The following KLF7 variants were observed in gnomAD, a reference collection of about 807,000 sequenced individuals.
The protein encoded by KLF7 is Krueppel-like factor 7.
A neutral mutation model predicts 27.3 loss-of-function variants in KLF7; 2 were observed. The ratio of observed to expected loss-of-function variants is 0.07; its 90% confidence interval spans 0.03 to 0.23. The LOEUF is 0.23. KLF7 is among the 10% of genes least tolerant of loss of function. The probability of loss-of-function intolerance (pLI) is 1.00; values close to 1 mark genes in which losing one functional copy is unlikely to be tolerated. For synonymous variants in KLF7, 165 were observed against 162.4 expected (o/e 1.02, Z -0.12); for missense variants, 221 against 394.1 (o/e 0.56, Z 3.72).
chr2:207,087,462 G>A (rs1482820392), intron 3 of KLF7, among the ~76,000 whole-genome samples: 1 of 152,120 alleles, frequency 6.6e-6, no homozygotes, highest in Non-Finnish European at 1.5e-5. Flanking sequence ...GGGACACAGG[G>A]ACTGGGGGAG....
intron 2 of KLF7, among the ~76,000 whole-genome samples, chr2:207,110,797 A>G (rs1406089663): frequency 1.3e-5 from 2 of 152,244 alleles, no homozygotes; most frequent in East Asian, 3.8e-4. Context: ...GTTAAAGATC[A>G]TAAAAGGGAA....
upstream of KLF7, chr2:207,166,840 A>C (rs1316940285): frequency 2.9e-6 from 3 of 1,035,014 alleles, no homozygotes; most frequent in Admixed American, 5.6e-5. Context: ...GCGCCTGAGG[A>C]GGAAGTGCCA....
intron 2 of KLF7, among the ~76,000 whole-genome samples, chr2:207,100,244 AG>A (rs2076735159): frequency 6.6e-6 from 1 of 152,240 alleles, no homozygotes; most frequent in African/African-American, 2.4e-5. Flanking sequence ...TCCGTTTTTT[AG>A]AGCTTTTTAG....
chr2:207,124,167 G>C lies in KLF7; in HGVS notation c.340C>G (p.Pro114Ala). 1 of 1,614,176 alleles carries C rather than the reference G, an allele frequency of 6.2e-7. No individual in the cohort carries two copies. Among genetic ancestry groups the C allele is most frequent in the African/African-American group, 1.3e-5 (1 of 75,046 alleles). The change falls in exon 2 of 4, where the codon CCG (proline) becomes GCG (alanine). Residue 114 changes from proline to alanine, a missense_variant. This residue lies in a region of KLF7 where 180 missense variants were observed against 227.9 expected (regional missense o/e 0.79). Transcript: ENST00000309446. ...LLSETCLSLQ[P>A]ASSSLDSYTA... is the part of the protein sequence containing the mutation. ...TAGCTGTCTAGAGAAGAGCTGGCCG[G>C]CTGGAGGCTGAGGCAGGTCTCAGAT...
intron 1 of KLF7, among the ~76,000 whole-genome samples, chr2:207,157,002 G>T (rs1326753261): frequency 6.6e-6 from 1 of 152,056 alleles, no homozygotes; most frequent in African/African-American, 2.4e-5. Flanking sequence ...GATTTTATTG[G>T]TCTGGGGTGC....
chr2:207,084,899 G>A (rs1038537688), intron 3 of KLF7, among the ~76,000 whole-genome samples: 10 of 151,938 alleles, frequency 6.6e-5, no homozygotes, highest in Middle Eastern at 3.4e-3. Flanking sequence ...GTCGTGGCTC[G>A]CGCCTGTAAT....
chr2:207,081,091 G>T lies in KLF7; in HGVS notation c.*122C>A. ...TGTGTGTGTGTGTGTGTGTACAGAG[G>T]TTTATAAGTGAGAACTTTCTTCTGC... On this transcript the variant is annotated 3_prime_UTR_variant, in exon 4 of 4. Transcript: ENST00000309446. 3.9e-6 allele frequency: 3 copies of T among 773,048 alleles called. No individual in the cohort carries two copies. Among genetic ancestry groups the T allele is most frequent in the Non-Finnish European group, 4.6e-6 (2 of 434,782 alleles). 47.9% of individuals were successfully genotyped at this position (773,048 alleles called of 1,614,324 possible).
At chr2:207,115,560 T>A (rs2077155631) in intron 2 of KLF7, among the ~76,000 whole-genome samples, 1 of 152,250 alleles carries the variant, frequency 6.6e-6, no homozygotes, top group Admixed American at 6.5e-5. Context: ...TTTAATTATT[T>A]TAAGTGATCT....
At chr2:207,141,678 TATTAAAAAG>T (rs2077945933) in intron 1 of KLF7, among the ~76,000 whole-genome samples, 1 of 152,056 alleles carries the variant, frequency 6.6e-6, no homozygotes. Context: ...TGGCAATGAG[TATTAAAAAG>T]TTAGAGTGCG....
At chr2:207,155,136 A>ATATT in intron 1 of KLF7, among the ~76,000 whole-genome samples, 1 of 152,264 alleles carries the variant, frequency 6.6e-6, no homozygotes. Flanking sequence ...AATACCTCAA[A>ATATT]TCTCAGCTTT....
At chr2:207,104,719 C>A (rs1011575955) in intron 2 of KLF7, among the ~76,000 whole-genome samples, 1 of 152,184 alleles carries the variant, frequency 6.6e-6, no homozygotes, top group African/African-American at 2.4e-5. Flanking sequence ...GGCCATCTTA[C>A]CTTCAGAATT....
chr2:207,102,182 AAAC>A (rs1289554996), intron 2 of KLF7, among the ~76,000 whole-genome samples: 3 of 150,586 alleles, frequency 2.0e-5, no homozygotes, highest in Admixed American at 6.6e-5. Context: ...CCCAATCTGC[AAAC>A]AACTCAGCAC....
intron 3 of KLF7, among the ~76,000 whole-genome samples, chr2:207,082,890 T>C (rs2076307169): frequency 6.6e-6 from 1 of 152,194 alleles, no homozygotes. Context: ...ACACCCCCTG[T>C]TTGTGTCCAT....
At chr2:207,104,361 G>A (rs2076833026) in intron 2 of KLF7, among the ~76,000 whole-genome samples, 1 of 152,152 alleles carries the variant, frequency 6.6e-6, no homozygotes, top group Non-Finnish European at 1.5e-5. Flanking sequence ...GGTACAAAAT[G>A]TTATACGTAA....
intron 1 of KLF7, among the ~76,000 whole-genome samples, chr2:207,152,624 G>C (rs548573803): frequency 6.6e-6 from 1 of 152,164 alleles, no homozygotes; most frequent in Non-Finnish European, 1.5e-5. Flanking sequence ...GAACCTGAAT[G>C]ACTAGGAAAA....
intron 1 of KLF7, among the ~76,000 whole-genome samples, chr2:207,162,617 G>C (rs564722662): frequency 3.7e-4 from 57 of 152,236 alleles, no homozygotes; most frequent in Non-Finnish European, 7.2e-4. Flanking sequence ...GAGGATCTCC[G>C]TGACGAGAGG....
At chr2:207,144,352 T>A (rs958587318) in intron 1 of KLF7, among the ~76,000 whole-genome samples, 4 of 152,152 alleles carry the variant, frequency 2.6e-5, no homozygotes, top group African/African-American at 9.7e-5. Context: ...TTTTAAAGCA[T>A]CCACTGTCAA....
At chr2:207,170,467 A>G (rs2078777294), upstream of KLF7, among the ~76,000 whole-genome samples, 1 of 152,190 alleles carries the variant, frequency 6.6e-6, no homozygotes, top group Non-Finnish European at 1.5e-5. Flanking sequence ...AGCTAAAATC[A>G]TTGATAAGGG....
chr2:207,094,154 G>A (rs551841787), intron 2 of KLF7, among the ~76,000 whole-genome samples: 1 of 152,328 alleles, frequency 6.6e-6, no homozygotes, highest in Non-Finnish European at 1.5e-5. Context: ...TTAAGATAGA[G>A]AGTGTAGCAT....
Sources: allele counts gnomAD v4.1 joint callset (sites outside exome capture counted in the v4.1 genomes callset), GRCh38; gene constraint gnomAD v4.1.1; regional missense constraint gnomAD v4.1.1; transcripts MANE v1.5; gene names NCBI Gene and HGNC (gene_info 2026-07-23, HGNC 2026-07-21).